The following NCAM2 variants were observed in gnomAD, a reference collection of about 807,000 sequenced individuals.
The protein encoded by NCAM2 is neural cell adhesion molecule 2.
In NCAM2, 30 loss-of-function variants were observed where a neutral mutation model predicts 98.1. The ratio of observed to expected loss-of-function variants is 0.31; its 90% CI spans 0.23 to 0.41. NCAM2 has a LOEUF of 0.41. Among genes scored for constraint, NCAM2 ranks in the 10% least tolerant of loss-of-function variants. The pLI is 1.00. For missense variants in NCAM2, 867 were observed against 1,005.8 expected (o/e 0.86, Z 1.87); for synonymous variants, 368 against 342.4 (o/e 1.07, Z -0.83).
intron 1 of NCAM2, among the ~76,000 whole-genome samples, chr21:21,274,022 G>T (rs1487929532): frequency 7.0e-6 from 1 of 143,412 alleles, no homozygotes; most frequent in African/African-American, 2.6e-5. Flanking sequence ...AAAATTAGCC[G>T]GGCGTGGTGG....
At chr21:21,255,888 C>G (rs1361976549) in intron 1 of NCAM2, among the ~76,000 whole-genome samples, 1 of 152,122 alleles carries the variant, frequency 6.6e-6, no homozygotes, top group East Asian at 1.9e-4. Flanking sequence ...GTCCTTGGTG[C>G]AGCTTGACTG....
chr21:21,435,577 C>A (rs1033947744), intron 12 of NCAM2, among the ~76,000 whole-genome samples: 4 of 152,132 alleles, frequency 2.6e-5, no homozygotes, highest in Non-Finnish European at 5.9e-5. Flanking sequence ...AGTTTAACAT[C>A]TTCTTCTTTA....
chr21:21,341,019 G>A (rs2075017027), intron 8 of NCAM2, among the ~76,000 whole-genome samples: 1 of 151,476 alleles, frequency 6.6e-6, no homozygotes, highest in African/African-American at 2.4e-5. Flanking sequence ...TTTTTACCTT[G>A]CCATATTACA....
At chr21:21,322,495 G>T (rs1347208243) in intron 5 of NCAM2, among the ~76,000 whole-genome samples, 2 of 152,174 alleles carry the variant, frequency 1.3e-5, no homozygotes, top group Non-Finnish European at 2.9e-5. Context: ...AAAGGGTTGT[G>T]AGTCTTAAGA....
intron 9 of NCAM2, among the ~76,000 whole-genome samples, chr21:21,396,587 G>T (rs1318384019): frequency 1.3e-5 from 2 of 151,618 alleles, no homozygotes; most frequent in Non-Finnish European, 2.9e-5. Context: ...CAGGTGGGGA[G>T]TGGTGAGGGG....
At chr21:21,292,265 T>G (rs759008835) in intron 5 of NCAM2, 24 bp downstream of exon 5, 1 of 1,590,760 alleles carries the variant, frequency 6.3e-7, no homozygotes, top group Non-Finnish European at 8.6e-7. Context: ...AATTTGTACA[T>G]GTTTTATGGA....
intron 5 of NCAM2, among the ~76,000 whole-genome samples, chr21:21,315,151 G>A (rs890022048): frequency 6.6e-6 from 1 of 152,020 alleles, no homozygotes; most frequent in Non-Finnish European, 1.5e-5. Context: ...ATATTCAGAC[G>A]CCATTTTCAT....
intron 1 of NCAM2, among the ~76,000 whole-genome samples, chr21:21,058,928 A>G (rs942973714): frequency 2.6e-5 from 4 of 152,108 alleles, no homozygotes; most frequent in Admixed American, 6.6e-5. Flanking sequence ...TCGAAGGACT[A>G]TCCACGATCA....
intron 16 of NCAM2, among the ~76,000 whole-genome samples, chr21:21,510,725 A>G (rs1988317738): frequency 7.0e-6 from 1 of 142,306 alleles, no homozygotes; most frequent in Admixed American, 7.4e-5. Flanking sequence ...ATATGCCAAA[A>G]TATATATCAT....
At chr21:21,065,266 G>A (rs112688455) in intron 1 of NCAM2, among the ~76,000 whole-genome samples, 3,759 of 151,972 alleles carry the variant, frequency 0.025, 133 homozygotes, top group African/African-American at 0.083. Context: ...GAAGTCATAA[G>A]CCAATAATAC....
chr21:21,208,805 C>A (rs1269580262), intron 1 of NCAM2, among the ~76,000 whole-genome samples: 1 of 152,138 alleles, frequency 6.6e-6, no homozygotes, highest in Non-Finnish European at 1.5e-5. Context: ...TTTCCCATTG[C>A]ATCATTTTAT....
intron 1 of NCAM2, among the ~76,000 whole-genome samples, chr21:21,110,798 G>A (rs763883031): frequency 6.6e-6 from 1 of 151,932 alleles, no homozygotes; most frequent in African/African-American, 2.4e-5. Flanking sequence ...ACCACTTATC[G>A]AGGAACTGAA....
chr21:21,473,082 C>A (rs947336742), intron 14 of NCAM2, among the ~76,000 whole-genome samples: 8 of 151,190 alleles, frequency 5.3e-5, no homozygotes, highest in African/African-American at 1.9e-4. Context: ...CAGAGGACAA[C>A]TTTTTGTCCC....
chr21:21,230,058 TC>T (rs2070558215), intron 1 of NCAM2, among the ~76,000 whole-genome samples: 2 of 151,362 alleles, frequency 1.3e-5, no homozygotes, highest in Non-Finnish European at 3.0e-5. Flanking sequence ...CAATGAGTAA[TC>T]TTAGGCATAT....
At chr21:21,131,073 A>G (rs2066922925) in intron 1 of NCAM2, among the ~76,000 whole-genome samples, 1 of 152,188 alleles carries the variant, frequency 6.6e-6, no homozygotes, top group African/African-American at 2.4e-5. Context: ...ATGAAAAGGA[A>G]TAGACCATTT....
intron 11 of NCAM2, among the ~76,000 whole-genome samples, chr21:21,431,082 G>A (rs1332213225): frequency 7.0e-6 from 1 of 143,504 alleles, no homozygotes; most frequent in African/African-American, 2.6e-5. Context: ...TTCAAGGTGA[G>A]ATTTGTGTGG....
At chr21:21,270,694 G>A (rs1015391768) in intron 1 of NCAM2, among the ~76,000 whole-genome samples, 11 of 152,102 alleles carry the variant, frequency 7.2e-5, no homozygotes, top group East Asian at 1.9e-4. Context: ...TCAAAGTAGC[G>A]TAAGCCTCCT....
At chr21:21,051,308 T>G (rs1431516171) in intron 1 of NCAM2, among the ~76,000 whole-genome samples, 1 of 152,186 alleles carries the variant, frequency 6.6e-6, no homozygotes, top group Admixed American at 6.5e-5. Flanking sequence ...GCAGTTTGAC[T>G]TCTCCTTCCC....
intron 12 of NCAM2, among the ~76,000 whole-genome samples, chr21:21,455,786 A>G (rs1982057001): frequency 1.3e-5 from 2 of 152,062 alleles, no homozygotes; most frequent in South Asian, 4.1e-4. Flanking sequence ...ACAACAAAGG[A>G]CAGAAAGAAA....
Sources: gnomAD v4.1 joint callset for allele counts (sites outside exome capture counted in the v4.1 genomes callset) on GRCh38, gnomAD v4.1.1 for gene constraint, MANE v1.5 for transcripts, NCBI Gene and HGNC (gene_info 2026-07-23, HGNC 2026-07-21) for gene names.